Variants in HLX observed in about 807,000 individuals in gnomAD.
The protein encoded by HLX is H2.0-like homeobox protein.
HLX carries 6 observed loss-of-function variants against 27.7 expected under a neutral mutation model. That is an observed-to-expected ratio of 0.22 (90% confidence interval 0.12 to 0.43). HLX has a LOEUF of 0.43. Ranked by LOEUF, HLX falls within the 20% of genes least tolerant of loss-of-function variation. The probability of loss-of-function intolerance (pLI) is 1.00; values close to 1 mark genes in which losing one functional copy is unlikely to be tolerated. For synonymous variants in HLX, 328 were observed against 293.8 expected (o/e 1.12, Z -1.19); for missense variants, 666 against 655.2 (o/e 1.02, Z -0.18).
Position 220,884,286 on chromosome 1 carries a change from A to G in HLX, c.1049A>G (p.Lys350Arg), listed in dbSNP as rs771399322. ...QKDKDKEAGE[K>R]PSGGAPAADG... ...GACAAGGACAAGGAGGCTGGCGAGA[A>G]GCCATCAGGTGGAGCCCCGGCTGCG... Residue 350 changes from lysine to arginine, a missense_variant, in exon 4 of 4, where the codon AAG becomes AGG. Lys to Arg is a conservative substitution (Grantham distance 26). Coordinates refer to ENST00000366903, the MANE Select transcript of HLX (RefSeq NM_021958.4). This position sits in a 1 kb window ranked among gnomAD's most constrained non-coding sequence, Gnocchi z 4.9. 6.2e-7 allele frequency: 1 copy of G among 1,613,914 alleles called. No individual in the cohort carries two copies. The highest frequency in any genetic ancestry group is 1.1e-5 in the South Asian group (1 of 91,066).
In HLX at chr1:220,879,711, G is replaced by A. The variant is rs1255870606; in HGVS notation, c.-147G>A. 2.4e-6 allele frequency: 3 copies of A among 1,259,522 alleles called. No individual in the cohort carries two copies. Among genetic ancestry groups the A allele is most frequent in the Non-Finnish European group, 3.1e-6 (3 of 959,722 alleles). 78.0% of individuals were successfully genotyped at this position (1,259,522 alleles called of 1,614,324 possible). A position where few individuals can be genotyped will look rare whatever the true frequency, so the allele number is the denominator to read the frequency against. On this transcript the variant is annotated 5_prime_UTR_variant, in exon 1 of 4. Coordinates refer to ENST00000366903, the MANE Select transcript of HLX (RefSeq NM_021958.4). ...CTCCCTCGGTGGCGCTAGGGCTCCC[G>A]GCCTCTCTTCCTCAGTGCGGGCGGA...
rs117467697 is a variant in HLX at position 220,882,660 on chromosome 1, C to T, written c.957+312C>T. 2,684 of 389,676 alleles carry T rather than the reference C, an allele frequency of 6.9e-3. 81 individuals carry two copies. Among genetic ancestry groups the T allele is most frequent in the South Asian group, 0.046 (1,603 of 34,884 alleles). 24.1% of individuals were successfully genotyped at this position (389,676 alleles called of 1,614,324 possible). A position where few individuals can be genotyped will look rare whatever the true frequency, so the allele number is the denominator to read the frequency against. On this transcript the variant is annotated intron_variant, in intron 3 of 3. Transcript: ENST00000366903. ...AGGGCCGCTGGAAATAACACTGATA[C>T]ACTCAACTGTAGTGCAATTCGCTGT...
chr1:220,884,151 T>G lies in HLX; in HGVS notation c.958-44T>G, dbSNP rs775049235. Reference sequence around the variant, plus strand: ...AGTCGGATAGGAGCAAACCTGGGTCTCATCTCGGTGTCTCTTCTTGTCTCC... The same window carrying G: ...AGTCGGATAGGAGCAAACCTGGGTCGCATCTCGGTGTCTCTTCTTGTCTCC... On this transcript the variant is annotated intron_variant, in intron 3 of 3. Coordinates refer to ENST00000366903, the MANE Select transcript of HLX (RefSeq NM_021958.4). The surrounding 1 kb of genome is among the most constrained non-coding windows in gnomAD (Gnocchi z 4.9). The G allele has an allele frequency of 5.0e-6, 8 of 1,603,906 alleles. No individual in the cohort carries two copies. Among genetic ancestry groups the G allele is most frequent in the Non-Finnish European group, 6.8e-6 (8 of 1,171,660 alleles).
chr1:220,884,476 C>T lies in HLX; in HGVS notation c.1239C>T (p.Gly413=). ...QTTVIKAPVT[G]ALITASSAGS... ...CAGTTATTAAGGCCCCGGTCACTGGCGCCCTCATTACCGCCAGCAGTGCTG... is the reference window on the plus strand; with the variant it reads ...CAGTTATTAAGGCCCCGGTCACTGGTGCCCTCATTACCGCCAGCAGTGCTG... Residue 413 remains glycine, a synonymous_variant, in exon 4 of 4, where the codon GGC becomes GGT. Coordinates refer to ENST00000366903, the MANE Select transcript of HLX (RefSeq NM_021958.4). This position sits in a 1 kb window ranked among gnomAD's most constrained non-coding sequence, Gnocchi z 4.9. 2.5e-6 allele frequency: 4 copies of T among 1,614,116 alleles called. No individual in the cohort carries two copies. Among genetic ancestry groups the T allele is most frequent in the Non-Finnish European group, 3.4e-6 (4 of 1,180,002 alleles).
chr1:220,882,347 A>G lies in HLX; in HGVS notation c.956A>G (p.Gln319Arg). ...GCGATGCTGGGCCTCACGGACGCAC[A>G]GGTAAGGCAGTTCTGGCTCCAGCGC... ...LAAMLGLTDAQVKVWFQNRRM... is the reference protein window; with the variant it reads ...LAAMLGLTDARVKVWFQNRRM... Residue 319 changes from glutamine to arginine, a missense_variant and splice_region_variant, in exon 3 of 4, where the codon CAG becomes CGG. Gln to Arg is a conservative substitution (Grantham distance 43). Coordinates refer to ENST00000366903, the MANE Select transcript of HLX (RefSeq NM_021958.4). 3 of 1,614,016 alleles carry G rather than the reference A, an allele frequency of 1.9e-6. No homozygotes were observed. Among genetic ancestry groups the G allele is most frequent in the Non-Finnish European group, 2.5e-6 (3 of 1,179,946 alleles).
rs1335713748 is a variant in HLX, at chr1:220,884,842, G to T, written c.*138G>T. 32 of 1,356,910 alleles carry T rather than the reference G, an allele frequency of 2.4e-5. No homozygotes were observed. The highest frequency in any genetic ancestry group is 3.0e-5 in the Non-Finnish European group (30 of 1,010,214). 84.1% of individuals were successfully genotyped at this position (1,356,910 alleles called of 1,614,324 possible). On this transcript the variant is annotated 3_prime_UTR_variant, in exon 4 of 4. Transcript: ENST00000366903. This position sits in a 1 kb window ranked among gnomAD's most constrained non-coding sequence, Gnocchi z 4.9. ...GCCTACCTCCCGACATTCACGCTTC[G>T]CCCCACGCTGCTCCGACTGGCTGCA...
chr1:220,884,390 G>A lies in HLX; in HGVS notation c.1153G>A (p.Asp385Asn). The A allele has an allele frequency of 1.2e-6, 2 of 1,614,172 alleles. No individual in the cohort carries two copies. Among genetic ancestry groups the A allele is most frequent in the South Asian group, 1.1e-5 (1 of 91,080 alleles). ...ESESSDSESL[D>N]MAPSDTERTE... ...CGAGAGCAGCGACTCCGAGTCCCTG[G>A]ACATGGCCCCCAGCGACACGGAGCG... Residue 385 changes from aspartate (D) to asparagine (N), a missense_variant, in exon 4 of 4, where the codon GAC (aspartate) becomes AAC (asparagine). By Grantham distance (23) the Asp-to-Asn change is conservative (BLOSUM62 1). Transcript: ENST00000366903. The surrounding 1 kb of genome is among the most constrained non-coding windows in gnomAD (Gnocchi z 4.9).
In HLX at chr1:220,884,609, G is replaced by A. The variant is rs777701429; in HGVS notation, c.1372G>A (p.Gly458Ser). 1.6e-5 allele frequency: 25 copies of A among 1,607,938 alleles called. No individual in the cohort carries two copies. The highest frequency in any genetic ancestry group is 2.2e-5 in the East Asian group (1 of 44,720). ...SAGCASSLGG[G>S]GASELLPATQ... ...GGGTTGCGCCAGCAGCCTTGGCGGC[G>A]GCGGCGCCTCGGAGCTTCTCCCTGC... Residue 458 changes from glycine to serine, a missense_variant, in exon 4 of 4, where the codon GGC (glycine) becomes AGC (serine). Coordinates refer to ENST00000366903, the MANE Select transcript of HLX (RefSeq NM_021958.4). The surrounding 1 kb of genome is among the most constrained non-coding windows in gnomAD (Gnocchi z 4.9).
In HLX at chr1:220,881,212, C is replaced by G. The variant is rs776675757; in HGVS notation, c.611C>G (p.Thr204Ser). 3 of 1,614,080 alleles carry G rather than the reference C, an allele frequency of 1.9e-6. No homozygotes were observed. Among genetic ancestry groups the G allele is most frequent in the Non-Finnish European group, 2.5e-6 (3 of 1,179,916 alleles). The change falls in exon 2 of 4, where the codon ACC (threonine) becomes AGC (serine). Residue 204 changes from threonine to serine, a missense_variant. By Grantham distance (58) the Thr-to-Ser change is moderately conservative (BLOSUM62 1). Coordinates refer to ENST00000366903, the MANE Select transcript of HLX (RefSeq NM_021958.4). ...TCCCCAGATCTCACTTCCCTGCTAA[C>G]CGGTGGGCGGCCCGCCGGGGTGCAC... ...NTLRDLTSLL[T>S]GGRPAGVHLS...
At chr1:220,882,512 AGAG>A in intron 3 of HLX, 164 bp downstream of exon 3, 2 of 642,600 alleles carry the variant, frequency 3.1e-6, no homozygotes, top group South Asian at 3.8e-5. Context: ...AGGCAGGAGA[AGAG>A]GAGGGTGGAG....
Position 220,884,475 on chromosome 1 carries a change from G to A in HLX, c.1238G>A (p.Gly413Asp). The change falls in exon 4 of 4, where the codon GGC (glycine) becomes GAC (aspartate). Residue 413 changes from glycine (G) to aspartate (D), a missense_variant. Coordinates refer to ENST00000366903, the MANE Select transcript of HLX (RefSeq NM_021958.4). The surrounding 1 kb of genome is among the most constrained non-coding windows in gnomAD (Gnocchi z 4.9). ...QTTVIKAPVT[G>D]ALITASSAGS... ...ACAGTTATTAAGGCCCCGGTCACTG[G>A]CGCCCTCATTACCGCCAGCAGTGCT... 1 of 1,614,172 alleles carries A rather than the reference G, an allele frequency of 6.2e-7. No individual in the cohort carries two copies. Among genetic ancestry groups the A allele is most frequent in the Non-Finnish European group, 8.5e-7 (1 of 1,180,018 alleles).
intron 1 of HLX, 55 bp downstream of exon 1, chr1:220,880,504 C>T (rs984360805): frequency 9.4e-6 from 15 of 1,598,802 alleles, no homozygotes; most frequent in Non-Finnish European, 1.2e-5. Flanking sequence ...CTCCCCGGAC[C>T]CCGGGCTGGC....
intron 1 of HLX, chr1:220,880,989 T>C (rs1040587144): frequency 6.5e-6 from 4 of 610,816 alleles, no homozygotes; most frequent in Non-Finnish European, 1.2e-5. Context: ...TATACATGCA[T>C]ATGGACGTGA....
At chr1:220,882,099 G>T in intron 2 of HLX, 65 bp from the exon 3 acceptor site, 1 of 1,489,252 alleles carries the variant, frequency 6.7e-7, no homozygotes, top group South Asian at 1.1e-5. Flanking sequence ...CAGGCTGGCA[G>T]GTCAAGGACT....
At position 220,881,111 on chromosome 1, in the gene HLX, G is replaced by A. The variant is rs1674425649; in HGVS notation, c.593-83G>A. 28 of 1,243,420 alleles carry A rather than the reference G, an allele frequency of 2.3e-5. No homozygotes were observed. In the South Asian group the frequency reaches 3.7e-4, roughly 16 times the overall value. 77.0% of individuals were successfully genotyped at this position (1,243,420 alleles called of 1,614,324 possible). A position where few individuals can be genotyped will look rare whatever the true frequency, so the allele number is the denominator to read the frequency against. On this transcript the variant is annotated intron_variant, in intron 1 of 3. Coordinates refer to ENST00000366903, the MANE Select transcript of HLX (RefSeq NM_021958.4). The stretch of plus-strand genomic sequence containing the variant: ...TTCGCTCAATAAAAGTGAATCCAGG[G>A]CAAGGGGAAGGGGAGGAACAAATCA...
At chr1:220,881,437 C>A in intron 2 of HLX, 64 bp downstream of exon 2, 2 of 1,358,738 alleles carry the variant, frequency 1.5e-6, no homozygotes, top group Non-Finnish European at 2.1e-6. Context: ...AATCTCAGGA[C>A]TGACGCCTCC....
Position 220,880,232 on chromosome 1 carries a change from A to G in HLX, c.375A>G (p.Gln125=), listed in dbSNP as rs62621984. The G allele has an allele frequency of 1.2e-6, 2 of 1,610,262 alleles. No homozygotes were observed. Among genetic ancestry groups the G allele is most frequent in the Non-Finnish European group, 1.7e-6 (2 of 1,178,486 alleles). The change falls in exon 1 of 4, where the codon CAA becomes CAG. Residue 125 remains glutamine (Q), a synonymous_variant. Transcript: ENST00000366903. ...CCGCCTACCACCACCATCACCCGCA[A>G]CAACAACAGCAGCAGCAACAGCCGC... ...LSAAYHHHHP[Q]QQQQQQQPQQ... is the part of the protein sequence containing the mutation.
chr1:220,879,644 A>C lies in HLX; in HGVS notation c.-214A>C. On this transcript the variant is annotated 5_prime_UTR_variant, in exon 1 of 4. Coordinates refer to ENST00000366903, the MANE Select transcript of HLX (RefSeq NM_021958.4). ...GCCGCGCCGCCTTTAAAGCGAGGCC[A>C]GGGAGCGAGGCGGTGACCGGCCGAG... The C allele has an allele frequency of 1.4e-6, 1 of 722,100 alleles. No individual in the cohort carries two copies. 44.7% of individuals were successfully genotyped at this position (722,100 alleles called of 1,614,324 possible). A position where few individuals can be genotyped will look rare whatever the true frequency, so the allele number is the denominator to read the frequency against.
rs1478121816 is a variant in HLX, at chr1:220,882,233, C to T, written c.842C>T (p.Ala281Val). Residue 281 changes from alanine (A) to valine (V), a missense_variant, in exon 3 of 4, where the codon GCT (alanine) becomes GTT (valine). Transcript: ENST00000366903. ...TYKRKRSWSR[A>V]VFSNLQRKGL... ...AAAAGGAAGCGTTCATGGTCGCGCGCTGTGTTCTCCAACCTGCAGAGGAAA... is the reference window on the plus strand; with the variant it reads ...AAAAGGAAGCGTTCATGGTCGCGCGTTGTGTTCTCCAACCTGCAGAGGAAA... 6.2e-7 allele frequency: 1 copy of T among 1,614,120 alleles called. No homozygotes were observed. The highest frequency in any genetic ancestry group is 8.5e-7 in the Non-Finnish European group (1 of 1,180,044).
Sources: gnomAD v4.1 joint callset for allele counts on GRCh38, gnomAD v4.1.1 for gene constraint, Gnocchi (gnomAD v3.1) non-coding constraint, MANE v1.5 for transcripts, NCBI Gene and HGNC (gene_info 2026-07-23, HGNC 2026-07-21) for gene names.